The following TMEM117 variants were observed in gnomAD, a reference collection of about 807,000 sequenced individuals.
The protein encoded by TMEM117 is transmembrane protein 117.
TMEM117 carries 27 observed loss-of-function variants against 52.4 expected under a neutral mutation model. The ratio of observed to expected loss-of-function variants is 0.51; its 90% CI spans 0.38 to 0.71. TMEM117 has a LOEUF of 0.71. Ranked by LOEUF, TMEM117 falls within the 30% of genes least tolerant of loss-of-function variation. The pLI, the probability that TMEM117 is intolerant of heterozygous loss-of-function variation, is 0.00. For missense variants in TMEM117, 556 were observed against 630.5 expected, an observed-to-expected ratio of 0.88 and a Z score of 1.26; for synonymous variants, 215 against 206.3, an observed-to-expected ratio of 1.04 and a Z score of -0.36.
At chr12:43,908,859 G>A in intron 2 of TMEM117, among the ~76,000 whole-genome samples, 1 of 147,676 alleles carries the variant, frequency 6.8e-6, no homozygotes, top group East Asian at 2.1e-4. Context: ...AGTCCTGAGT[G>A]ACCTACAAAG....
intron 3 of TMEM117, among the ~76,000 whole-genome samples, chr12:44,080,470 A>T (rs1002430502): frequency 6.6e-6 from 1 of 152,148 alleles, no homozygotes; most frequent in African/African-American, 2.4e-5. Flanking sequence ...AGATTAGGGG[A>T]ACTAAAATTC....
intron 5 of TMEM117, among the ~76,000 whole-genome samples, chr12:44,282,899 C>T (rs956659462): frequency 6.6e-6 from 1 of 152,228 alleles, no homozygotes; most frequent in Non-Finnish European, 1.5e-5. Flanking sequence ...GGCCCAGGGT[C>T]CTCGTGCTGT....
chr12:43,843,554 A>G (rs1263906587), intron 1 of TMEM117, among the ~76,000 whole-genome samples: 2 of 152,314 alleles, frequency 1.3e-5, no homozygotes, highest in South Asian at 2.1e-4. Flanking sequence ...GCACATATTC[A>G]GGTTAGGACC....
chr12:44,269,435 T>C (rs1950419866), intron 5 of TMEM117, among the ~76,000 whole-genome samples: 1 of 152,110 alleles, frequency 6.6e-6, no homozygotes, highest in Non-Finnish European at 1.5e-5. Flanking sequence ...GGAAATTTAC[T>C]GTCTTATATT....
chr12:44,210,551 C>T (rs1455002448), intron 4 of TMEM117, among the ~76,000 whole-genome samples: 1 of 152,044 alleles, frequency 6.6e-6, no homozygotes, highest in Non-Finnish European at 1.5e-5. Flanking sequence ...GAAAGATCTT[C>T]ACTGGCAAGG....
In TMEM117 at chr12:44,361,389, A is replaced by G. The variant is rs184107908; in HGVS notation, c.769-15206A>G. Among the ~76,000 whole-genome samples the G allele has an allele frequency of 1.5e-3, 223 of 152,244 alleles. 2 individuals carry two copies. In the East Asian group the frequency reaches 0.038, roughly 26 times the overall value. ...TGTATTCCCCAATGGGTCCATAGGGAACTTCTTTCAAGACTCTATTACTAA... is the reference window on the plus strand; with the variant it reads ...TGTATTCCCCAATGGGTCCATAGGGGACTTCTTTCAAGACTCTATTACTAA... On this transcript the variant is annotated intron_variant, in intron 6 of 7. Transcript: ENST00000266534.
chr12:44,129,721 T>G (rs996831770), intron 3 of TMEM117, among the ~76,000 whole-genome samples: 1 of 152,198 alleles, frequency 6.6e-6, no homozygotes, highest in Non-Finnish European at 1.5e-5. Context: ...ATACCATCAC[T>G]TTCCCCTTAA....
chr12:43,892,196 G>A (rs894298610), intron 2 of TMEM117, among the ~76,000 whole-genome samples: 14 of 152,186 alleles, frequency 9.2e-5, no homozygotes, highest in Non-Finnish European at 8.8e-5. Context: ...GAAAAGGTGC[G>A]TGGGGCAAAA....
At chr12:44,152,530 T>TA (rs1948758763) in intron 4 of TMEM117, among the ~76,000 whole-genome samples, 1 of 117,428 alleles carries the variant, frequency 8.5e-6, no homozygotes, top group Non-Finnish European at 1.6e-5. Context: ...ATATATATAT[T>TA]TATATCATAT....
intron 2 of TMEM117, among the ~76,000 whole-genome samples, chr12:43,891,276 G>A (rs1417894160): frequency 1.3e-5 from 2 of 150,104 alleles, no homozygotes; most frequent in African/African-American, 4.9e-5. Flanking sequence ...AGAAGTACCT[G>A]TCCTCATTGA....
downstream of TMEM117, among the ~76,000 whole-genome samples, chr12:44,392,068 T>C (rs139911031): frequency 1.3e-3 from 196 of 152,292 alleles, 1 homozygote; most frequent in Admixed American, 3.5e-3. Context: ...TTTGTGTGCA[T>C]AGAGTTGTAA....
At chr12:43,926,873 G>A (rs1592369336) in intron 2 of TMEM117, among the ~76,000 whole-genome samples, 1 of 151,932 alleles carries the variant, frequency 6.6e-6, no homozygotes, top group East Asian at 1.9e-4. Context: ...AAACTTTAAT[G>A]TTTTTGGCTT....
At chr12:44,136,742 G>GAAGT (rs545086924) in intron 3 of TMEM117, among the ~76,000 whole-genome samples, 1 of 152,110 alleles carries the variant, frequency 6.6e-6, no homozygotes, top group South Asian at 2.1e-4. Flanking sequence ...ACTGACGTTC[G>GAAGT]AAGTAAGTAA....
intron 5 of TMEM117, among the ~76,000 whole-genome samples, chr12:44,246,631 C>T (rs557559638): frequency 4.6e-5 from 7 of 152,038 alleles, no homozygotes; most frequent in Non-Finnish European, 8.8e-5. Context: ...TTAATATATA[C>T]ACAAACTCAA....
chr12:44,132,713 T>A (rs537352104), intron 3 of TMEM117, among the ~76,000 whole-genome samples: 4 of 152,328 alleles, frequency 2.6e-5, no homozygotes, highest in Admixed American at 6.5e-5. Context: ...CAGTTTTTTT[T>A]AAATTCCTAC....
intron 4 of TMEM117, among the ~76,000 whole-genome samples, chr12:44,149,243 G>T (rs910471784): frequency 1.3e-5 from 2 of 152,206 alleles, no homozygotes; most frequent in African/African-American, 4.8e-5. Flanking sequence ...AGGAAGCTGG[G>T]TTGAGATATG....
chr12:44,073,502 C>G (rs1019564565), intron 3 of TMEM117: 3 of 152,066 alleles, frequency 2.0e-5, no homozygotes, highest in African/African-American at 4.8e-5. Flanking sequence ...TCAATTCATA[C>G]TATTATTGAG....
chr12:44,150,977 A>G (rs1393533966), intron 4 of TMEM117, among the ~76,000 whole-genome samples: 1 of 152,166 alleles, frequency 6.6e-6, no homozygotes, highest in East Asian at 1.9e-4. Context: ...AAATAATTCC[A>G]TAGTATGTGA....
intron 2 of TMEM117, among the ~76,000 whole-genome samples, chr12:43,886,936 C>A (rs760692838): frequency 2.0e-5 from 3 of 152,054 alleles, no homozygotes; most frequent in Non-Finnish European, 2.9e-5. Flanking sequence ...CAACTTCTGC[C>A]TCCTGGGTTC....
Sources: allele counts gnomAD v4.1 joint callset (sites outside exome capture counted in the v4.1 genomes callset), GRCh38; gene constraint gnomAD v4.1.1; transcripts MANE v1.5; gene names NCBI Gene and HGNC (gene_info 2026-07-23, HGNC 2026-07-21).